The following EPG5 variants were observed in gnomAD, a reference collection of about 807,000 sequenced individuals.
The protein encoded by EPG5 is ectopic P granules protein 5 homolog.
A neutral mutation model predicts 302.7 loss-of-function variants in EPG5; 159 were observed. The observed-to-expected ratio is 0.53, with a 90% CI of 0.46 to 0.60. The LOEUF (loss-of-function observed/expected upper bound fraction) is 0.60, where lower values mean the gene tolerates loss of function less well. EPG5 is among the 20% of genes least tolerant of loss of function. The pLI is 0.00. For missense variants in EPG5, 2,896 were observed against 3,092.4 expected (o/e 0.94, Z 1.51); for synonymous variants, 1,158 against 1,136.8 (o/e 1.02, Z -0.37).
intron 11 of EPG5, 31 bp from the exon 12 acceptor site, chr18:45,930,861 G>A: frequency 6.5e-7 from 1 of 1,548,712 alleles, no homozygotes; most frequent in Non-Finnish European, 8.7e-7. Context: ...AATTAGAGTG[G>A]GGAAAGAATA....
chr18:45,958,949 C>G (rs186982841), intron 1 of EPG5, among the ~76,000 whole-genome samples: 1 of 152,178 alleles, frequency 6.6e-6, no homozygotes, highest in South Asian at 2.1e-4. Flanking sequence ...CTCCAACTCC[C>G]TGTGATTTCA....
At chr18:45,871,189 C>T (rs2048864669) in intron 35 of EPG5, among the ~76,000 whole-genome samples, 1 of 152,184 alleles carries the variant, frequency 6.6e-6, no homozygotes, top group Non-Finnish European at 1.5e-5. Flanking sequence ...TGCTCAGCAT[C>T]ACTGATCATT....
In EPG5 at chr18:45,939,760, G is replaced by T. The variant is rs1490955401; in HGVS notation, c.1944-5C>A. 1.2e-6 allele frequency: 2 copies of T among 1,612,536 alleles called. No homozygotes were observed. Among genetic ancestry groups the T allele is most frequent in the South Asian group, 1.1e-5 (1 of 90,942 alleles). ...CTTACATAACCAAGAGTCATCCTGAGCATGAGGAAAGATAATACAGTACTT... is the reference window on the plus strand; with the variant it reads ...CTTACATAACCAAGAGTCATCCTGATCATGAGGAAAGATAATACAGTACTT... On this transcript the variant is annotated splice_polypyrimidine_tract_variant and splice_region_variant and intron_variant, in intron 9 of 43. Coordinates refer to ENST00000282041, the MANE Select transcript of EPG5 (RefSeq NM_020964.3).
At chr18:45,883,535 A>C (rs2049148381) in intron 30 of EPG5, among the ~76,000 whole-genome samples, 1 of 133,144 alleles carries the variant, frequency 7.5e-6, no homozygotes. Context: ...ATCACAGCTC[A>C]CTGCAGCCTC....
chr18:45,842,130 T>C, the EPG5 span: 11 of 1,614,200 alleles, frequency 6.8e-6, no homozygotes, highest in East Asian at 2.2e-5. Context: ...AGTCCAATTA[T>C]GAAAATTTGA....
At chr18:45,880,245 G>A (rs2049068881) in intron 31 of EPG5, 22 bp from the exon 32 acceptor site, 3 of 1,558,460 alleles carry the variant, frequency 1.9e-6, no homozygotes, top group Non-Finnish European at 2.6e-6. Context: ...GACAGGAAGA[G>A]CAAGTCAGTG....
chr18:45,922,556 C>G lies in EPG5; in HGVS notation c.2883G>C (p.Glu961Asp). Residue 961 changes from glutamate to aspartate, a missense_variant, in exon 16 of 44, where the codon GAG becomes GAC. Physicochemically the swap from Glu to Asp is conservative, Grantham distance 45 (BLOSUM62 2). Coordinates refer to ENST00000282041, the MANE Select transcript of EPG5 (RefSeq NM_020964.3). The part of the protein sequence containing the change: ...ASIVRYGETP[E>D]TSFNQWAWNL... Reference sequence around the variant, plus strand: ...TCCAGGCCCATTGGTTAAATGAGGTCTCGGGTGTCTCTCCATATCGAACAA... The same window carrying G: ...TCCAGGCCCATTGGTTAAATGAGGTGTCGGGTGTCTCTCCATATCGAACAA... 1 of 1,614,178 alleles carries G rather than the reference C, an allele frequency of 6.2e-7. No individual in the cohort carries two copies. Among genetic ancestry groups the G allele is most frequent in the Non-Finnish European group, 8.5e-7 (1 of 1,180,038 alleles).
At chr18:45,967,123 G>A (rs2051282615) in intron 1 of EPG5, 54 bp downstream of exon 1, 11 of 1,526,966 alleles carry the variant, frequency 7.2e-6, no homozygotes, top group Non-Finnish European at 9.7e-6. Context: ...GAAGAGAGGA[G>A]CAAGGAGACA....
chr18:45,827,507 G>T, the EPG5 span, among the ~76,000 whole-genome samples: 1 of 152,220 alleles, frequency 6.6e-6, no homozygotes, highest in Admixed American at 6.5e-5. Context: ...ATGGGAGAGG[G>T]GTTGAGGGTG....
Position 45,850,444 on chromosome 18 carries a change from C to A in EPG5, c.*2023G>T, listed in dbSNP as rs1790299. On this transcript the variant is annotated 3_prime_UTR_variant, in exon 44 of 44. Coordinates refer to ENST00000282041, the MANE Select transcript of EPG5 (RefSeq NM_020964.3). ...TTCCTAGCCCAGAGTTTCCCATAGA[C>A]ACCTAGGAGTTGAGTCAACCTTCCA... 0.28 allele frequency: 42,481 copies of A among 152,054 alleles called. 8,026 individuals carry two copies. The highest frequency in any genetic ancestry group is 0.51 in the African/African-American group (21,006 of 41,418). 9.4% of individuals were successfully genotyped at this position (152,054 alleles called of 1,614,324 possible). A position where few individuals can be genotyped will look rare whatever the true frequency, so the allele number is the denominator to read the frequency against.
chr18:45,844,451 C>T (rs944985346), downstream of EPG5, among the ~76,000 whole-genome samples: 12 of 152,076 alleles, frequency 7.9e-5, no homozygotes, highest in South Asian at 2.1e-4. Context: ...GTGATGGATA[C>T]GCCAATCCCT....
chr18:45,925,553 C>T (rs2050248544), intron 14 of EPG5, among the ~76,000 whole-genome samples, 185 bp downstream of exon 14: 1 of 152,120 alleles, frequency 6.6e-6, no homozygotes, highest in Non-Finnish European at 1.5e-5. Context: ...ACAATTTATC[C>T]TCATTTAATA....
chr18:45,916,507 G>A lies in EPG5; in HGVS notation c.3315C>T (p.His1105=), dbSNP rs1299046325. Reference sequence around the variant, plus strand: ...CTCCTGTCAGGTGCTGTGCCACCTTGTGGGTGACCTGTTGTGTGACACCCT... The same window carrying A: ...CTCCTGTCAGGTGCTGTGCCACCTTATGGGTGACCTGTTGTGTGACACCCT... ...VPQGVTQQVT[H]KVAQHLTGAS... Residue 1105 remains histidine (H), a synonymous_variant, in exon 18 of 44, where the codon CAC becomes CAT. Transcript: ENST00000282041. 3 of 1,613,738 alleles carry A rather than the reference G, an allele frequency of 1.9e-6. No individual in the cohort carries two copies. The highest frequency in any genetic ancestry group is 1.7e-5 in the Admixed American group (1 of 60,016).
At chr18:45,833,568 C>T in the EPG5 span, among the ~76,000 whole-genome samples, 1 of 152,190 alleles carries the variant, frequency 6.6e-6, no homozygotes, top group African/African-American at 2.4e-5. Context: ...CCACCTTGGC[C>T]TCCCAAAGTG....
At chr18:45,957,401 C>A (rs1325599085) in intron 1 of EPG5, among the ~76,000 whole-genome samples, 1 of 152,114 alleles carries the variant, frequency 6.6e-6, no homozygotes, top group Non-Finnish European at 1.5e-5. Context: ...TGCCTAAAAT[C>A]ACAAATAATA....
chr18:45,869,534 G>A (rs1377768924), intron 36 of EPG5, among the ~76,000 whole-genome samples: 1 of 152,118 alleles, frequency 6.6e-6, no homozygotes. Context: ...TTATAGTTAA[G>A]GTCATCCTTT....
At chr18:45,834,497 A>G in the EPG5 span, among the ~76,000 whole-genome samples, 4 of 152,204 alleles carry the variant, frequency 2.6e-5, no homozygotes, top group Admixed American at 6.5e-5. Flanking sequence ...TGTAGGAAAG[A>G]CTCAGTGGAA....
At chr18:45,825,152 AAGGAAGGGAGGGAGGGAGGG>A in the EPG5 span, among the ~76,000 whole-genome samples, 14 of 118,282 alleles carry the variant, frequency 1.2e-4, no homozygotes, top group Middle Eastern at 4.2e-3. Flanking sequence ...GGAGGGAGGG[AAGGAAGGGAGGGAGGGAGGG>A]AGGAAGAGAG....
chr18:45,839,440 A>G, the EPG5 span, among the ~76,000 whole-genome samples: 20 of 152,298 alleles, frequency 1.3e-4, no homozygotes, highest in African/African-American at 4.8e-4. Flanking sequence ...ACCTTCCTAA[A>G]TAGCACCGTT....
Sources: gnomAD v4.1 joint callset for allele counts (sites outside exome capture counted in the v4.1 genomes callset) on GRCh38, gnomAD v4.1.1 for gene constraint, MANE v1.5 for transcripts, NCBI Gene and HGNC (gene_info 2026-07-23, HGNC 2026-07-21) for gene names.